SOX5: variants seen among roughly 807,000 people sequenced by gnomAD.
SOX5 encodes the protein transcription factor SOX-5.
Under a neutral mutation model 92.0 loss-of-function variants are expected in SOX5, and 9 were observed. The observed-to-expected ratio is 0.10, with a 90% CI of 0.06 to 0.17. The LOEUF is 0.17. Ranked by LOEUF, SOX5 falls within the 10% of genes least tolerant of loss-of-function variation. The pLI, the probability that SOX5 is intolerant of heterozygous loss-of-function variation, is 1.00. For missense variants in SOX5, 642 were observed against 944.5 expected, an observed-to-expected ratio of 0.68 and a Z score of 4.20; for synonymous variants, 344 against 336.3, an observed-to-expected ratio of 1.02 and a Z score of -0.25.
intron 4 of SOX5, among the ~76,000 whole-genome samples, chr12:23,969,406 CAG>C (rs763172804): frequency 6.6e-6 from 1 of 152,118 alleles, no homozygotes; most frequent in Non-Finnish European, 1.5e-5. Context: ...TAAAATCCTT[CAG>C]AGTCTTCAAT....
chr12:23,825,874 T>A (rs1440322474), intron 3 of SOX5, among the ~76,000 whole-genome samples: 1 of 152,124 alleles, frequency 6.6e-6, no homozygotes, highest in African/African-American at 2.4e-5. Flanking sequence ...AGAAAAAAAA[T>A]CTGGCAAAAA....
Position 23,536,655 on chromosome 12 carries a change from C to A in SOX5, c.1786G>T (p.Ala596Ser), listed in dbSNP as rs773574290. ...ISKILGSRWK[A>S]MTNLEKQPYY... ...GGCTGTTTCTCTAGGTTTGTCATAGCTTTCCAGCGAGATCCTATGAAGAAA... is the reference window on the plus strand; with the variant it reads ...GGCTGTTTCTCTAGGTTTGTCATAGATTTCCAGCGAGATCCTATGAAGAAA... Residue 596 changes from alanine (A) to serine (S), a missense_variant, in exon 14 of 15, where the codon GCT (alanine) becomes TCT (serine). By Grantham distance (99) the Ala-to-Ser change is moderately conservative. Around this residue, in one of 8 missense-constraint regions of SOX5, gnomAD observed 24 missense variants for 84.4 expected, o/e 0.28. Transcript: ENST00000451604. The A allele has an allele frequency of 6.2e-7, 1 of 1,613,840 alleles. No homozygotes were observed. Among genetic ancestry groups the A allele is most frequent in the Non-Finnish European group, 8.5e-7 (1 of 1,179,760 alleles).
In SOX5 at chr12:23,575,741, C is replaced by A; in HGVS notation, c.1262G>T (p.Arg421Ile). 1.9e-6 allele frequency: 3 copies of A among 1,613,956 alleles called. No homozygotes were observed. Among genetic ancestry groups the A allele is most frequent in the Non-Finnish European group, 2.5e-6 (3 of 1,179,940 alleles). ...GAGGGGGCCTGCCCCACTGTTTATT[C>A]TCAGAGCTGGCATATGGGGAGAGGT... is the stretch of plus-strand genomic sequence containing the variant. ...SPTSPHMPAL[R>I]INSGAGPLKA... Residue 421 changes from arginine to isoleucine, a missense_variant, in exon 10 of 15, where the codon AGA (arginine) becomes ATA (isoleucine). Coordinates refer to ENST00000451604, the MANE Select transcript of SOX5 (RefSeq NM_006940.6).
At chr12:23,959,790 A>G (rs1946688738) in intron 4 of SOX5, among the ~76,000 whole-genome samples, 1 of 152,230 alleles carries the variant, frequency 6.6e-6, no homozygotes, top group Non-Finnish European at 1.5e-5. Context: ...GATGCTCAAC[A>G]TCTTCCATTA....
At chr12:24,044,619 A>G (rs73273786) in intron 4 of SOX5, among the ~76,000 whole-genome samples, 2,945 of 152,290 alleles carry the variant, frequency 0.019, 79 homozygotes, top group East Asian at 0.069. Context: ...ATTTTATCCT[A>G]TTGAGTTAAA....
intron 2 of SOX5, among the ~76,000 whole-genome samples, chr12:23,893,239 G>A (rs759216437): frequency 3.3e-5 from 5 of 152,120 alleles, no homozygotes; most frequent in African/African-American, 1.2e-4. Flanking sequence ...CAAGGTCAGG[G>A]GATCGAGACC....
At chr12:24,202,292 A>G (rs1281672646) in intron 4 of SOX5, among the ~76,000 whole-genome samples, 2 of 152,182 alleles carry the variant, frequency 1.3e-5, no homozygotes, top group Non-Finnish European at 2.9e-5. Flanking sequence ...AGATGAATGG[A>G]TAATACATAC....
intron 6 of SOX5, among the ~76,000 whole-genome samples, chr12:23,668,549 T>C (rs2084231262): frequency 6.6e-6 from 1 of 152,214 alleles, no homozygotes; most frequent in Non-Finnish European, 1.5e-5. Flanking sequence ...GGGTTAGTAA[T>C]TCATTCTATA....
At chr12:24,131,272 G>C (rs1208587169) in intron 4 of SOX5, among the ~76,000 whole-genome samples, 1 of 152,144 alleles carries the variant, frequency 6.6e-6, no homozygotes, top group African/African-American at 2.4e-5. Flanking sequence ...ATTCTCCTCT[G>C]AGTTATTAAC....
intron 1 of SOX5, among the ~76,000 whole-genome samples, chr12:24,452,787 G>A (rs1942501161): frequency 6.6e-6 from 1 of 152,088 alleles, no homozygotes; most frequent in South Asian, 2.1e-4. Flanking sequence ...AAATTCCCAA[G>A]GCAACCTTGA....
intron 1 of SOX5, among the ~76,000 whole-genome samples, chr12:24,411,222 G>T (rs1431620268): frequency 6.6e-6 from 1 of 151,232 alleles, no homozygotes; most frequent in Non-Finnish European, 1.5e-5. Context: ...AATGTTCCAT[G>T]AGATTTTCCA....
chr12:24,510,548 T>C (rs1949211978), intron 1 of SOX5, among the ~76,000 whole-genome samples: 1 of 152,158 alleles, frequency 6.6e-6, no homozygotes, highest in Non-Finnish European at 1.5e-5. Flanking sequence ...ACCAGGTAGA[T>C]AAGTAGGTAG....
At chr12:23,814,690 T>C (rs2095950769) in intron 3 of SOX5, among the ~76,000 whole-genome samples, 1 of 152,222 alleles carries the variant, frequency 6.6e-6, no homozygotes, top group Non-Finnish European at 1.5e-5. Flanking sequence ...TGGGAAAGAT[T>C]ATTGTGTTAG....
intron 4 of SOX5, among the ~76,000 whole-genome samples, chr12:24,073,804 TAAATA>T (rs1160361839): frequency 6.6e-6 from 1 of 152,154 alleles, no homozygotes; most frequent in East Asian, 1.9e-4. Flanking sequence ...GATAAATAAA[TAAATA>T]ATACACAATG....
At chr12:23,852,713 G>C (rs576079735) in intron 2 of SOX5, among the ~76,000 whole-genome samples, 1 of 152,262 alleles carries the variant, frequency 6.6e-6, no homozygotes, top group South Asian at 2.1e-4. Context: ...TGATAGCATA[G>C]TGACAGGTGA....
chr12:24,050,920 C>G (rs1957500844), intron 4 of SOX5, among the ~76,000 whole-genome samples: 1 of 152,012 alleles, frequency 6.6e-6, no homozygotes, highest in Non-Finnish European at 1.5e-5. Context: ...TGTGAATATT[C>G]AAATATACAT....
intron 3 of SOX5, 68 bp from the exon 4 acceptor site, chr12:23,755,792 C>A: frequency 9.6e-7 from 1 of 1,046,682 alleles, no homozygotes; most frequent in South Asian, 1.6e-5. Flanking sequence ...CATTAAAAGT[C>A]TATCTGCTAA....
chr12:23,677,391 C>T (rs972127321), intron 6 of SOX5, among the ~76,000 whole-genome samples: 10 of 152,094 alleles, frequency 6.6e-5, no homozygotes, highest in African/African-American at 2.4e-4. Context: ...ATTAGCAAAT[C>T]AGAAATAATT....
chr12:24,320,449 T>C (rs1338336869), intron 2 of SOX5, among the ~76,000 whole-genome samples: 2 of 152,202 alleles, frequency 1.3e-5, no homozygotes, highest in East Asian at 3.9e-4. Context: ...ATATCTATTC[T>C]TCAGAGCAAA....
Sources: allele counts gnomAD v4.1 joint callset (sites outside exome capture counted in the v4.1 genomes callset), GRCh38; gene constraint gnomAD v4.1.1; regional missense constraint gnomAD v4.1.1; transcripts MANE v1.5; gene names NCBI Gene and HGNC (gene_info 2026-07-23, HGNC 2026-07-21).